OR7E24: variants seen among roughly 807,000 people sequenced by gnomAD.
OR7E24 encodes olfactory receptor 7E24.
For missense variants in OR7E24, 385 were observed against 410.3 expected (o/e 0.94, Z 0.53); for synonymous variants, 130 against 157.5 (o/e 0.83, Z 1.31).
the OR7E24 span, chr19:9,213,949 C>T: frequency 3.0e-5 from 49 of 1,614,190 alleles, no homozygotes; most frequent in South Asian, 1.5e-4. Context: ...GCCCCCTTCA[C>T]ATCCTTGTTC....
chr19:9,236,235 G>A, the OR7E24 span: 20 of 572,640 alleles, frequency 3.5e-5, no homozygotes, highest in East Asian at 1.5e-4. Context: ...TTGTATGGCC[G>A]GGCACGGTGG....
At chr19:9,225,212 TA>T in the OR7E24 span, among the ~76,000 whole-genome samples, 6 of 151,794 alleles carry the variant, frequency 4.0e-5, no homozygotes, top group South Asian at 1.0e-3. Flanking sequence ...CCATCTCTAC[TA>T]AAAAAAATTA....
At chr19:9,208,823 C>T in the OR7E24 span, 1 of 151,664 alleles carries the variant, frequency 6.6e-6, no homozygotes, top group East Asian at 1.9e-4. Flanking sequence ...TCCCAAGTAG[C>T]TGGGACTACA....
the OR7E24 span, among the ~76,000 whole-genome samples, chr19:9,225,671 A>C: frequency 6.6e-6 from 1 of 152,104 alleles, no homozygotes; most frequent in African/African-American, 2.4e-5. Flanking sequence ...AAACGACACA[A>C]AGGAAACCAT....
chr19:9,211,189 A>ACT, the OR7E24 span: 2 of 152,320 alleles, frequency 1.3e-5, no homozygotes, highest in Non-Finnish European at 2.9e-5. Flanking sequence ...GTGGCAACAA[A>ACT]CTGAGGGGCC....
At chr19:9,233,788 C>T in the OR7E24 span, among the ~76,000 whole-genome samples, 2 of 152,094 alleles carry the variant, frequency 1.3e-5, no homozygotes, top group African/African-American at 4.8e-5. Flanking sequence ...GAAACCAGAG[C>T]AGAAAAACAA....
At chr19:9,207,938 C>T in the OR7E24 span, 7 of 152,158 alleles carry the variant, frequency 4.6e-5, no homozygotes, top group African/African-American at 1.7e-4. Flanking sequence ...CACATTGTGT[C>T]CTTTAGCCTT....
the OR7E24 span, among the ~76,000 whole-genome samples, chr19:9,225,385 AGGAAGGAGG>A: frequency 7.9e-6 from 1 of 126,010 alleles, no homozygotes; most frequent in Non-Finnish European, 1.6e-5. Flanking sequence ...GAAGGAAGGA[AGGAAGGAGG>A]GGAAGGAAGG....
chr19:9,212,637 G>A, the OR7E24 span: 11 of 152,150 alleles, frequency 7.2e-5, no homozygotes, highest in South Asian at 4.1e-4. Context: ...ATTTCAAAGG[G>A]ATAGCATGTC....
At chr19:9,247,644 G>A (rs1481138390), upstream of OR7E24, 3 of 397,830 alleles carry the variant, frequency 7.5e-6, no homozygotes, top group East Asian at 7.1e-5. Context: ...GTTTATGTTC[G>A]GGGTTTATTT....
the OR7E24 span, among the ~76,000 whole-genome samples, chr19:9,227,793 G>A: frequency 3.0e-3 from 372 of 123,844 alleles, 2 homozygotes; most frequent in African/African-American, 0.011. Flanking sequence ...TCGCTCTGTC[G>A]CCCAGGCTGG....
In OR7E24 at chr19:9,252,072, G is replaced by T. The variant is rs1459653344; in HGVS notation, c.*9G>T. 6.2e-7 allele frequency: 1 copy of T among 1,606,996 alleles called. No homozygotes were observed. The highest frequency in any genetic ancestry group is 8.5e-7 in the Non-Finnish European group (1 of 1,175,838). ...TTTGTTATATGGGATAGAAATGGCA[G>T]CAAAATTTAACACCTAGGCCTGCAA... On this transcript the variant is annotated 3_prime_UTR_variant, in exon 1 of 1. Coordinates refer to ENST00000456448, the MANE Select transcript of OR7E24 (RefSeq NM_001079935.2).
At chr19:9,240,054 C>T in the OR7E24 span, among the ~76,000 whole-genome samples, 34 of 151,774 alleles carry the variant, frequency 2.2e-4, no homozygotes, top group African/African-American at 7.2e-4. Flanking sequence ...AAAATTTAGT[C>T]GAGATGGGGT....
chr19:9,220,894 A>G, the OR7E24 span, among the ~76,000 whole-genome samples: 1 of 152,170 alleles, frequency 6.6e-6, no homozygotes, highest in African/African-American at 2.4e-5. Context: ...TCTTTTTAGT[A>G]ATAGCCATTT....
chr19:9,236,672 C>T, the OR7E24 span, among the ~76,000 whole-genome samples: 1 of 151,960 alleles, frequency 6.6e-6, no homozygotes, highest in Non-Finnish European at 1.5e-5. Context: ...CTTCTCTGCA[C>T]ATAGTCCTTA....
At chr19:9,238,054 A>T in the OR7E24 span, among the ~76,000 whole-genome samples, 1 of 152,148 alleles carries the variant, frequency 6.6e-6, no homozygotes, top group Admixed American at 6.5e-5. Context: ...AGGTGGGTGG[A>T]TCACTTGAGG....
chr19:9,227,362 T>G, the OR7E24 span, among the ~76,000 whole-genome samples: 1 of 151,984 alleles, frequency 6.6e-6, no homozygotes, highest in Non-Finnish European at 1.5e-5. Flanking sequence ...CCGGAGGAAC[T>G]GGGACTACAG....
At chr19:9,214,229 C>T in the OR7E24 span, 10 of 1,614,136 alleles carry the variant, frequency 6.2e-6, no homozygotes, top group South Asian at 1.1e-5. Flanking sequence ...CCAGCAGTGC[C>T]GTGGCCACAT....
the OR7E24 span, chr19:9,214,344 C>T: frequency 1.1e-5 from 17 of 1,613,930 alleles, no homozygotes; most frequent in African/African-American, 1.3e-5. Flanking sequence ...GAAGGTCAAC[C>T]TCTTCATCAG....
Sources: allele counts gnomAD v4.1 joint callset (sites outside exome capture counted in the v4.1 genomes callset), GRCh38; gene constraint gnomAD v4.1.1; transcripts MANE v1.5; gene names NCBI Gene and HGNC (gene_info 2026-07-23, HGNC 2026-07-21).